Variants in GABBR2 observed in about 807,000 individuals in gnomAD.
The protein encoded by GABBR2 is gamma-aminobutyric acid type B receptor subunit 2.
In GABBR2, 23 loss-of-function variants were observed where a neutral mutation model predicts 105.6. The ratio of observed to expected loss-of-function variants is 0.22; its 90% CI spans 0.16 to 0.31. The LOEUF is 0.31. GABBR2 is among the 10% of genes least tolerant of loss of function. The pLI is 1.00. For missense variants in GABBR2, 734 were observed against 1,245.5 expected (o/e 0.59, Z 6.18); for synonymous variants, 478 against 499.7 (o/e 0.96, Z 0.58).
intron 1 of GABBR2, among the ~76,000 whole-genome samples, chr9:98,602,333 G>A (rs540403248): frequency 1.5e-4 from 23 of 151,870 alleles, no homozygotes; most frequent in Admixed American, 6.6e-4. Context: ...TCAGCTGGGC[G>A]TGGTGGCAGG....
At chr9:98,635,731 G>A (rs913805738) in intron 1 of GABBR2, among the ~76,000 whole-genome samples, 1 of 152,186 alleles carries the variant, frequency 6.6e-6, no homozygotes, top group Non-Finnish European at 1.5e-5. Flanking sequence ...AAGGAATGAG[G>A]ACAAGTTCAC....
intron 2 of GABBR2, among the ~76,000 whole-genome samples, chr9:98,559,080 C>T (rs982035777): frequency 1.3e-5 from 2 of 152,044 alleles, no homozygotes; most frequent in African/African-American, 4.8e-5. Flanking sequence ...GTTTTTATTT[C>T]AGCTCTAAAA....
chr9:98,622,123 A>C (rs933968904), intron 1 of GABBR2, among the ~76,000 whole-genome samples: 2 of 152,158 alleles, frequency 1.3e-5, no homozygotes, highest in Admixed American at 6.5e-5. Context: ...TCCCACCTGC[A>C]ACTCACATAT....
At chr9:98,322,748 T>G (rs1830846559) in intron 13 of GABBR2, among the ~76,000 whole-genome samples, 2 of 152,100 alleles carry the variant, frequency 1.3e-5, no homozygotes, top group Non-Finnish European at 2.9e-5. Context: ...GATACCCTTC[T>G]TCATAGGACG....
chr9:98,572,185 G>A (rs903450674), intron 2 of GABBR2, among the ~76,000 whole-genome samples: 1 of 152,214 alleles, frequency 6.6e-6, no homozygotes, highest in Non-Finnish European at 1.5e-5. Context: ...CATATAGAGG[G>A]AGAAACAGGT....
intron 13 of GABBR2, among the ~76,000 whole-genome samples, chr9:98,356,449 A>T (rs920231826): frequency 1.3e-5 from 2 of 152,230 alleles, no homozygotes; most frequent in African/African-American, 2.4e-5. Flanking sequence ...ATTGCAAATT[A>T]TAACAATGAG....
At chr9:98,529,054 G>A (rs1414416353) in intron 3 of GABBR2, among the ~76,000 whole-genome samples, 2 of 152,008 alleles carry the variant, frequency 1.3e-5, no homozygotes, top group Non-Finnish European at 2.9e-5. Context: ...TACGCACAGG[G>A]TAGAATAGTT....
chr9:98,565,544 A>C (rs910071794), intron 2 of GABBR2, among the ~76,000 whole-genome samples: 1 of 152,198 alleles, frequency 6.6e-6, no homozygotes, highest in African/African-American at 2.4e-5. Flanking sequence ...AGATATCCCA[A>C]GACCACATAG....
At chr9:98,672,349 T>C (rs1008626807) in intron 1 of GABBR2, among the ~76,000 whole-genome samples, 1 of 152,224 alleles carries the variant, frequency 6.6e-6, no homozygotes, top group African/African-American at 2.4e-5. Flanking sequence ...TAGCATGATA[T>C]CCTCAAGGTT....
At chr9:98,567,088 T>A (rs943651765) in intron 2 of GABBR2, among the ~76,000 whole-genome samples, 2 of 152,246 alleles carry the variant, frequency 1.3e-5, no homozygotes, top group African/African-American at 4.8e-5. Context: ...CAGCACCAGC[T>A]GTACCGTAAG....
Position 98,388,814 on chromosome 9 carries a change from T to G in GABBR2, c.1529+40A>C. The G allele has an allele frequency of 6.4e-7, 1 of 1,560,238 alleles. No individual in the cohort carries two copies. The highest frequency in any genetic ancestry group is 8.8e-7 in the Non-Finnish European group (1 of 1,138,488). ...ATACTGTGTCCATAGGCTTGTCAAT[T>G]TAGAAAGTGATATCACAGAGGAGGA... On this transcript the variant is annotated intron_variant, in intron 10 of 18. Transcript: ENST00000259455. This position sits in a 1 kb window ranked among gnomAD's most constrained non-coding sequence, Gnocchi z 4.4.
At chr9:98,542,854 GTTA>G (rs1477213020) in intron 2 of GABBR2, among the ~76,000 whole-genome samples, 1 of 152,048 alleles carries the variant, frequency 6.6e-6, no homozygotes, top group African/African-American at 2.4e-5. Flanking sequence ...TTTCCCTATG[GTTA>G]TTAACTAGTA....
intron 12 of GABBR2, among the ~76,000 whole-genome samples, chr9:98,364,031 A>G (rs1363092962): frequency 6.6e-6 from 1 of 152,232 alleles, no homozygotes; most frequent in Admixed American, 6.5e-5. Context: ...TAAAGGAGAA[A>G]TAAAAACCCG....
chr9:98,363,069 A>C (rs1389441388), intron 12 of GABBR2, among the ~76,000 whole-genome samples: 1 of 152,112 alleles, frequency 6.6e-6, no homozygotes, highest in Non-Finnish European at 1.5e-5. Flanking sequence ...CATTTTGTTG[A>C]AGTTTGGCCA....
chr9:98,494,259 C>T (rs896141075), intron 4 of GABBR2, among the ~76,000 whole-genome samples: 2 of 152,134 alleles, frequency 1.3e-5, no homozygotes, highest in Admixed American at 6.5e-5. Context: ...AGATATCAAT[C>T]AGTGAAATGG....
At chr9:98,309,319 A>G (rs1830600857) in intron 14 of GABBR2, among the ~76,000 whole-genome samples, 1 of 152,262 alleles carries the variant, frequency 6.6e-6, no homozygotes, top group Non-Finnish European at 1.5e-5. Flanking sequence ...TCCAGTTTAA[A>G]GATGTCAATA....
chr9:98,581,922 C>T (rs551188700), intron 1 of GABBR2, among the ~76,000 whole-genome samples: 1 of 152,324 alleles, frequency 6.6e-6, no homozygotes, highest in African/African-American at 2.4e-5. Context: ...GATGTCACGG[C>T]TTCTCACAAA....
Position 98,482,288 on chromosome 9 carries a change from C to T in GABBR2, c.733-1291G>A, listed in dbSNP as rs185045553. 7.2e-5 allele frequency among the ~76,000 whole-genome samples: 11 copies of T among 152,156 alleles called. No homozygotes were observed. The East Asian group carries it at 1.9e-3, about 27-fold the overall frequency. On this transcript the variant is annotated intron_variant, in intron 4 of 18. Coordinates refer to ENST00000259455, the MANE Select transcript of GABBR2 (RefSeq NM_005458.8). ...ATGTACTTTAGCAAAATAAAGAAGGCCTGGATTCTAAAATCATCTTTCGTT... is the reference window on the plus strand; with the variant it reads ...ATGTACTTTAGCAAAATAAAGAAGGTCTGGATTCTAAAATCATCTTTCGTT...
intron 7 of GABBR2, among the ~76,000 whole-genome samples, chr9:98,429,650 G>A (rs1183963363): frequency 1.3e-5 from 2 of 152,220 alleles, no homozygotes; most frequent in Non-Finnish European, 1.5e-5. Context: ...CTTGCAGGCA[G>A]TGGATTACAG....
Sources: gnomAD v4.1 joint callset for allele counts (sites outside exome capture counted in the v4.1 genomes callset) on GRCh38, gnomAD v4.1.1 for gene constraint, Gnocchi (gnomAD v3.1) non-coding constraint, MANE v1.5 for transcripts, NCBI Gene and HGNC (gene_info 2026-07-23, HGNC 2026-07-21) for gene names.